The following SAMD4A variants were observed in gnomAD, a reference collection of about 807,000 sequenced individuals.
SAMD4A encodes the protein protein Smaug homolog 1.
A neutral mutation model predicts 81.3 loss-of-function variants in SAMD4A; 33 were observed. The observed-to-expected ratio is 0.41, with a 90% CI of 0.31 to 0.54. SAMD4A has a LOEUF of 0.54. Among genes scored for constraint, SAMD4A ranks in the 20% least tolerant of loss-of-function variants. The probability of loss-of-function intolerance (pLI) is 0.37; values close to 1 mark genes in which losing one functional copy is unlikely to be tolerated. For synonymous variants in SAMD4A, 389 were observed against 382.1 expected (o/e 1.02, Z -0.21); for missense variants, 854 against 951.1 (o/e 0.90, Z 1.34).
intron 2 of SAMD4A, among the ~76,000 whole-genome samples, chr14:54,679,824 G>A (rs920551652): frequency 2.0e-5 from 3 of 152,178 alleles, no homozygotes; most frequent in Non-Finnish European, 4.4e-5. Flanking sequence ...TCTCTGCACA[G>A]TAACTCTTCC....
At chr14:54,608,434 A>G (rs2034272097) in intron 2 of SAMD4A, among the ~76,000 whole-genome samples, 1 of 152,206 alleles carries the variant, frequency 6.6e-6, no homozygotes, top group African/African-American at 2.4e-5. Context: ...TGTTGCATAT[A>G]TGTTCTTAAT....
chr14:54,587,257 T>C, intron 2 of SAMD4A, among the ~76,000 whole-genome samples: 1 of 152,242 alleles, frequency 6.6e-6, no homozygotes, highest in East Asian at 1.9e-4. Context: ...GCAGAACTAC[T>C]GATCTGTGTA....
Position 54,728,576 on chromosome 14 carries a change from C to T in SAMD4A, c.716-8448C>T, listed in dbSNP as rs541914729. ...GAATGGTCATTTATGTGTATTGTTG[C>T]ATTTGACATGTAGATTGAATGCTTT... On this transcript the variant is annotated intron_variant, in intron 3 of 12. Transcript: ENST00000554335. Among the ~76,000 whole-genome samples, 14 of 152,040 alleles carry T rather than the reference C, an allele frequency of 9.2e-5. No individual in the cohort carries two copies. The South Asian group carries it at 2.9e-3, about 32-fold the overall frequency.
chr14:54,698,423 C>T (rs1354580509), intron 2 of SAMD4A, among the ~76,000 whole-genome samples: 1 of 152,228 alleles, frequency 6.6e-6, no homozygotes, highest in African/African-American at 2.4e-5. Context: ...TGCCTACCTC[C>T]ATTCTGCCAC....
At chr14:54,704,559 C>T (rs1374561348) in intron 3 of SAMD4A, among the ~76,000 whole-genome samples, 1 of 152,106 alleles carries the variant, frequency 6.6e-6, no homozygotes, top group Non-Finnish European at 1.5e-5. Flanking sequence ...CCAGCCAGAC[C>T]CATAGAGGGT....
intron 8 of SAMD4A, among the ~76,000 whole-genome samples, chr14:54,767,100 G>A (rs555510771): frequency 1.3e-5 from 2 of 152,066 alleles, no homozygotes; most frequent in African/African-American, 4.8e-5. Flanking sequence ...GCTTTGGAAG[G>A]GAAAATGTTG....
At chr14:54,787,312 T>C (rs1370972913) in intron 12 of SAMD4A, among the ~76,000 whole-genome samples, 1 of 152,182 alleles carries the variant, frequency 6.6e-6, no homozygotes, top group African/African-American at 2.4e-5. Flanking sequence ...GTGCACTGGG[T>C]CTGTTTGGAC....
At chr14:54,756,187 T>C (rs1223760533) in intron 6 of SAMD4A, among the ~76,000 whole-genome samples, 1 of 152,214 alleles carries the variant, frequency 6.6e-6, no homozygotes, top group Non-Finnish European at 1.5e-5. Flanking sequence ...GTTTCACCCC[T>C]ATCGGTGGAT....
chr14:54,761,031 A>G (rs898225483), intron 7 of SAMD4A, among the ~76,000 whole-genome samples: 1 of 152,194 alleles, frequency 6.6e-6, no homozygotes, highest in Non-Finnish European at 1.5e-5. Flanking sequence ...GAGAATTCCC[A>G]GCATGGAACT....
chr14:54,588,039 T>A (rs897536855), intron 2 of SAMD4A, among the ~76,000 whole-genome samples: 3 of 152,304 alleles, frequency 2.0e-5, no homozygotes, highest in Admixed American at 6.5e-5. Context: ...TGGCAATTTT[T>A]AAAATTACCA....
intron 6 of SAMD4A, among the ~76,000 whole-genome samples, chr14:54,759,940 T>G (rs2038345258): frequency 6.6e-6 from 1 of 152,144 alleles, no homozygotes; most frequent in Non-Finnish European, 1.5e-5. Flanking sequence ...TTTCCGGTGG[T>G]GTGTATTTTC....
chr14:54,743,761 C>G (rs1043847457), intron 4 of SAMD4A, among the ~76,000 whole-genome samples: 1 of 152,182 alleles, frequency 6.6e-6, no homozygotes, highest in Admixed American at 6.5e-5. Context: ...ATGGACACTT[C>G]CCAGTATCAA....
At chr14:54,768,088 C>T (rs773148749) in intron 8 of SAMD4A, among the ~76,000 whole-genome samples, 4 of 152,184 alleles carry the variant, frequency 2.6e-5, no homozygotes, top group Non-Finnish European at 4.4e-5. Context: ...CCCTTTACTC[C>T]GTTGTCACTT....
intron 2 of SAMD4A, among the ~76,000 whole-genome samples, chr14:54,588,262 G>T (rs991398633): frequency 6.6e-6 from 1 of 151,598 alleles, no homozygotes; most frequent in Non-Finnish European, 1.5e-5. Flanking sequence ...AGCTTATTTG[G>T]ATCCTCTCTC....
chr14:54,659,814 C>T (rs1456653790), intron 2 of SAMD4A, among the ~76,000 whole-genome samples: 1 of 152,182 alleles, frequency 6.6e-6, no homozygotes, highest in African/African-American at 2.4e-5. Context: ...AACCTCAGAA[C>T]CCTGTACAAT....
chr14:54,647,568 T>C (rs1234202200), intron 2 of SAMD4A, among the ~76,000 whole-genome samples: 1 of 152,256 alleles, frequency 6.6e-6, no homozygotes, highest in East Asian at 1.9e-4. Flanking sequence ...ATTGACTATA[T>C]GCTCATGCAT....
At chr14:54,688,632 A>G (rs1594813573) in intron 2 of SAMD4A, among the ~76,000 whole-genome samples, 1 of 152,332 alleles carries the variant, frequency 6.6e-6, no homozygotes, top group East Asian at 1.9e-4. Context: ...GCCCTGTCTT[A>G]GAAATATTAT....
chr14:54,763,219 A>G (rs2038451112), intron 7 of SAMD4A, among the ~76,000 whole-genome samples: 1 of 150,756 alleles, frequency 6.6e-6, no homozygotes, highest in Admixed American at 6.6e-5. Context: ...GGTGGGTTTA[A>G]AAAAAAATAC....
intron 2 of SAMD4A, among the ~76,000 whole-genome samples, chr14:54,625,704 C>T (rs1482774656): frequency 6.6e-6 from 1 of 152,118 alleles, no homozygotes; most frequent in African/African-American, 2.4e-5. Flanking sequence ...TAGAAAGTAC[C>T]TAAGGAAAAG....
Sources: gnomAD v4.1 joint callset for allele counts (sites outside exome capture counted in the v4.1 genomes callset) on GRCh38, gnomAD v4.1.1 for gene constraint, MANE v1.5 for transcripts, NCBI Gene and HGNC (gene_info 2026-07-23, HGNC 2026-07-21) for gene names.